PDE4B: variants seen among roughly 807,000 people sequenced by gnomAD.
PDE4B encodes 3',5'-cyclic-AMP phosphodiesterase 4B.
A neutral mutation model predicts 82.2 loss-of-function variants in PDE4B; 20 were observed. The observed-to-expected ratio is 0.24, with a 90% CI of 0.17 to 0.35. The LOEUF (loss-of-function observed/expected upper bound fraction) is 0.35. Among genes scored for constraint, PDE4B ranks in the 10% least tolerant of loss-of-function variants. PDE4B has a pLI of 1.00. For missense variants in PDE4B, 655 were observed against 907.2 expected (o/e 0.72, Z 3.57); for synonymous variants, 320 against 318.9 (o/e 1.00, Z -0.04).
chr1:66,206,640 A>G (rs1649578463), intron 3 of PDE4B, among the ~76,000 whole-genome samples: 1 of 152,196 alleles, frequency 6.6e-6, no homozygotes, highest in African/African-American at 2.4e-5. Context: ...TTGGTTCAGA[A>G]ATGTGCTTGC....
chr1:65,839,483 T>C (rs997268767), intron 1 of PDE4B, among the ~76,000 whole-genome samples: 1 of 152,288 alleles, frequency 6.6e-6, no homozygotes, highest in Non-Finnish European at 1.5e-5. Context: ...TGTGTTCTCA[T>C]TGTTCAACTC....
chr1:66,184,135 T>G (rs1570417753), intron 3 of PDE4B, among the ~76,000 whole-genome samples: 1 of 152,044 alleles, frequency 6.6e-6, no homozygotes, highest in African/African-American at 2.4e-5. Context: ...AATGCCAGGG[T>G]GAGAAGTTTG....
chr1:66,138,219 C>T (rs1646097993), intron 3 of PDE4B, among the ~76,000 whole-genome samples: 2 of 152,052 alleles, frequency 1.3e-5, no homozygotes, highest in African/African-American at 4.8e-5. Flanking sequence ...GATGATATAA[C>T]ACTACAGAAA....
chr1:65,951,072 G>A (rs140785763), intron 3 of PDE4B, among the ~76,000 whole-genome samples: 2 of 152,146 alleles, frequency 1.3e-5, no homozygotes, highest in Non-Finnish European at 2.9e-5. Flanking sequence ...CACGCAAATA[G>A]CATCTCTCTT....
At chr1:66,315,940 A>T (rs1256720630) in intron 7 of PDE4B, among the ~76,000 whole-genome samples, 4 of 151,306 alleles carry the variant, frequency 2.6e-5, no homozygotes. Context: ...CGTAAACCTC[A>T]CTCACTCTCC....
chr1:66,127,618 AAATAG>A (rs1645849957), intron 3 of PDE4B, among the ~76,000 whole-genome samples: 1 of 152,196 alleles, frequency 6.6e-6, no homozygotes, highest in African/African-American at 2.4e-5. Flanking sequence ...ATTACCCTAA[AAATAG>A]TATATAACAC....
intron 3 of PDE4B, among the ~76,000 whole-genome samples, chr1:66,111,149 C>T (rs549328816): frequency 2.6e-5 from 4 of 152,188 alleles, no homozygotes; most frequent in Admixed American, 1.3e-4. Flanking sequence ...TCTTACCCCA[C>T]ATGAAAAGAC....
intron 7 of PDE4B, among the ~76,000 whole-genome samples, chr1:66,316,756 G>A (rs1336766420): frequency 1.3e-5 from 2 of 152,226 alleles, no homozygotes; most frequent in African/African-American, 4.8e-5. Context: ...AAGCACAGCT[G>A]ATAGCTACAA....
chr1:66,196,376 G>C (rs893487669), intron 3 of PDE4B, among the ~76,000 whole-genome samples: 1 of 152,194 alleles, frequency 6.6e-6, no homozygotes, highest in Non-Finnish European at 1.5e-5. Flanking sequence ...TGAGAGTCAA[G>C]CATTGATACT....
intron 3 of PDE4B, among the ~76,000 whole-genome samples, chr1:66,089,266 C>T (rs940187567): frequency 6.6e-5 from 10 of 152,022 alleles, no homozygotes; most frequent in East Asian, 1.9e-4. Flanking sequence ...AATAGCCATC[C>T]GCTACGTAGC....
chr1:66,365,186 C>T (rs993817300), intron 12 of PDE4B, among the ~76,000 whole-genome samples: 4 of 152,122 alleles, frequency 2.6e-5, no homozygotes, highest in South Asian at 2.1e-4. Context: ...TGTGACCACA[C>T]CATAAATTTA....
At chr1:65,887,184 C>CTT (rs1235712052) in intron 1 of PDE4B, among the ~76,000 whole-genome samples, 69 of 92,186 alleles carry the variant, frequency 7.5e-4, no homozygotes, top group African/African-American at 2.6e-3. Context: ...CCCTCCCTCC[C>CTT]TTTTTCTTTC....
intron 4 of PDE4B, among the ~76,000 whole-genome samples, chr1:66,256,479 T>C (rs1654238073): frequency 6.6e-6 from 1 of 152,212 alleles, no homozygotes; most frequent in Non-Finnish European, 1.5e-5. Context: ...GTCAGTATTC[T>C]TTTTATTGTC....
rs185917983 is a variant in PDE4B, at chr1:66,338,424, C to T, written c.747+5804C>T. On this transcript the variant is annotated intron_variant, in intron 8 of 16. Transcript: ENST00000341517. Reference sequence around the variant, plus strand: ...AAATTTATATTCTGTAGCTACCATACTCACAGCCTCTAGGATGGCCATTAA... The same window carrying T: ...AAATTTATATTCTGTAGCTACCATATTCACAGCCTCTAGGATGGCCATTAA... 9.3e-3 allele frequency among the ~76,000 whole-genome samples: 1,418 copies of T among 152,324 alleles called. 16 individuals are homozygous for T. The highest frequency in any genetic ancestry group is 0.033 in the African/African-American group (1,375 of 41,562).
chr1:66,040,190 A>G (rs745844018), intron 3 of PDE4B, among the ~76,000 whole-genome samples: 4 of 151,952 alleles, frequency 2.6e-5, no homozygotes, highest in African/African-American at 7.2e-5. Context: ...GTGCTTTTTG[A>G]TATGGTTTAT....
At chr1:66,119,265 T>C (rs1480879613) in intron 3 of PDE4B, among the ~76,000 whole-genome samples, 2 of 152,208 alleles carry the variant, frequency 1.3e-5, no homozygotes, top group Non-Finnish European at 2.9e-5. Context: ...TACCACGTAA[T>C]TTGTGTATTC....
At chr1:65,910,308 T>C (rs1647075172) in intron 1 of PDE4B, among the ~76,000 whole-genome samples, 1 of 152,168 alleles carries the variant, frequency 6.6e-6, no homozygotes, top group Non-Finnish European at 1.5e-5. Flanking sequence ...CAAAAACAAA[T>C]TGAGATAATG....
At chr1:66,251,229 A>T (rs867063143) in intron 4 of PDE4B, among the ~76,000 whole-genome samples, 22 of 152,192 alleles carry the variant, frequency 1.4e-4, no homozygotes, top group Non-Finnish European at 2.2e-4. Context: ...TAATTCATTT[A>T]ATCTCCATAT....
chr1:66,357,766 T>C (rs1345192737), intron 9 of PDE4B, among the ~76,000 whole-genome samples: 1 of 152,082 alleles, frequency 6.6e-6, no homozygotes, highest in Non-Finnish European at 1.5e-5. Context: ...AAACCTGTAA[T>C]ATTAACAAAA....
Sources: gnomAD v4.1 joint callset for allele counts (sites outside exome capture counted in the v4.1 genomes callset) on GRCh38, gnomAD v4.1.1 for gene constraint, MANE v1.5 for transcripts, NCBI Gene and HGNC (gene_info 2026-07-23, HGNC 2026-07-21) for gene names.